The following FRMD4A variants were observed in gnomAD, a reference collection of about 807,000 sequenced individuals.
FRMD4A encodes the protein FERM domain containing 4A.
A neutral mutation model predicts 129.1 loss-of-function variants in FRMD4A; 29 were observed. That is an observed-to-expected ratio of 0.22 (90% CI 0.17 to 0.31). The LOEUF is 0.31. Ranked by LOEUF, FRMD4A falls within the 10% of genes least tolerant of loss-of-function variation. The pLI, the probability that FRMD4A is intolerant of heterozygous loss-of-function variation, is 1.00. For synonymous variants in FRMD4A, 634 were observed against 571.6 expected (o/e 1.11, Z -1.56); for missense variants, 1,272 against 1,375.8 (o/e 0.92, Z 1.19).
intron 2 of FRMD4A, among the ~76,000 whole-genome samples, chr10:14,197,988 C>T (rs1268923642): frequency 2.0e-5 from 3 of 152,142 alleles, no homozygotes; most frequent in African/African-American, 4.8e-5. Context: ...GCTGGGAGTC[C>T]GCAGGACAGA....
chr10:14,161,620 G>A (rs754171689), intron 2 of FRMD4A, among the ~76,000 whole-genome samples: 3 of 152,258 alleles, frequency 2.0e-5, no homozygotes, highest in Admixed American at 6.5e-5. Flanking sequence ...AGTTGATCTC[G>A]TAGAGACAGA....
chr10:13,929,417 G>A (rs923852427), intron 2 of FRMD4A, among the ~76,000 whole-genome samples: 1 of 152,168 alleles, frequency 6.6e-6, no homozygotes, highest in Non-Finnish European at 1.5e-5. Flanking sequence ...CTACGCCCTG[G>A]GTCACCTGCT....
At chr10:13,666,547 G>A (rs1282658675) in intron 17 of FRMD4A, among the ~76,000 whole-genome samples, 3 of 152,106 alleles carry the variant, frequency 2.0e-5, no homozygotes, top group Non-Finnish European at 4.4e-5. Flanking sequence ...GAACGCTGCC[G>A]CCATCGCTGA....
intron 2 of FRMD4A, among the ~76,000 whole-genome samples, chr10:14,140,775 A>G (rs1205244679): frequency 1.3e-5 from 2 of 152,090 alleles, no homozygotes; most frequent in African/African-American, 2.4e-5. Context: ...GTATATATAT[A>G]TATCTCACAC....
chr10:13,986,100 C>T (rs1163629150), intron 2 of FRMD4A, among the ~76,000 whole-genome samples: 1 of 152,166 alleles, frequency 6.6e-6, no homozygotes, highest in African/African-American at 2.4e-5. Context: ...ACATTACAGC[C>T]ACGGCAGCAA....
chr10:14,126,136 C>T lies in FRMD4A; in HGVS notation c.45+203922G>A, dbSNP rs1055009442. Among the ~76,000 whole-genome samples, 8 of 150,112 alleles carry T rather than the reference C, an allele frequency of 5.3e-5. No individual in the cohort carries two copies. The South Asian group carries it at 8.4e-4, about 16-fold the overall frequency. ...TCTAAGATCATCTTCTCTCTTATCC[C>T]TTATGTCCTCACCCATCACAAAACC... On this transcript the variant is annotated intron_variant, in intron 2 of 24. Transcript: ENST00000357447.
chr10:13,919,445 C>G (rs1480656667), intron 2 of FRMD4A, among the ~76,000 whole-genome samples: 1 of 152,070 alleles, frequency 6.6e-6, no homozygotes, highest in Non-Finnish European at 1.5e-5. Flanking sequence ...AATCTTCAAA[C>G]CTTCAGAAAC....
chr10:13,740,109 G>T lies in FRMD4A; in HGVS notation c.672+85C>A, dbSNP rs11595190. 5 of 839,848 alleles carry T rather than the reference G, an allele frequency of 6.0e-6. No homozygotes were observed. The Admixed American group carries it at 9.8e-5, about 17-fold the overall frequency. 52.0% of individuals were successfully genotyped at this position (839,848 alleles called of 1,614,324 possible). A position where few individuals can be genotyped will look rare whatever the true frequency, so the allele number is the denominator to read the frequency against. ...GCAAGACTCTATCTCAAAAGAAAAA[G>T]AAAAAGAAGAAAACATATAACGAGA... On this transcript the variant is annotated intron_variant, in intron 11 of 24. Transcript: ENST00000357447.
intron 2 of FRMD4A, among the ~76,000 whole-genome samples, chr10:14,103,006 A>T (rs993546264): frequency 1.3e-5 from 2 of 152,224 alleles, no homozygotes; most frequent in Non-Finnish European, 2.9e-5. Context: ...TTGAAAACCC[A>T]GCCTATAAGA....
intron 2 of FRMD4A, among the ~76,000 whole-genome samples, chr10:14,094,506 C>T (rs980951707): frequency 6.6e-5 from 10 of 152,160 alleles, no homozygotes; most frequent in Non-Finnish European, 1.2e-4. Flanking sequence ...TCCTTTCAAA[C>T]GCAGAGCAGC....
chr10:14,050,644 G>A (rs889239082), intron 2 of FRMD4A, among the ~76,000 whole-genome samples: 2 of 151,958 alleles, frequency 1.3e-5, no homozygotes, highest in African/African-American at 2.4e-5. Flanking sequence ...TGACCTCCAG[G>A]GAGGGCAGGG....
chr10:13,848,068 G>C (rs1402423996), intron 3 of FRMD4A, among the ~76,000 whole-genome samples: 1 of 151,218 alleles, frequency 6.6e-6, no homozygotes, highest in Non-Finnish European at 1.5e-5. Context: ...GAACTGCATT[G>C]TGAGTTGAGT....
At chr10:13,680,401 C>G (rs926764663) in intron 15 of FRMD4A, among the ~76,000 whole-genome samples, 1 of 151,816 alleles carries the variant, frequency 6.6e-6, no homozygotes, top group Admixed American at 6.6e-5. Flanking sequence ...CAAGTGCAAA[C>G]CTCTTTGAGG....
chr10:14,080,530 G>A (rs955845509), intron 2 of FRMD4A, among the ~76,000 whole-genome samples: 2 of 152,044 alleles, frequency 1.3e-5, no homozygotes, highest in Admixed American at 6.6e-5. Flanking sequence ...GGCCATGTGA[G>A]TGCTCCAGCC....
chr10:14,025,083 C>T (rs946485982), intron 2 of FRMD4A, among the ~76,000 whole-genome samples: 2 of 152,172 alleles, frequency 1.3e-5, no homozygotes, highest in African/African-American at 2.4e-5. Flanking sequence ...AACAAGGAAA[C>T]GAAAGTTGTG....
chr10:13,769,200 A>G (rs1417951524), intron 6 of FRMD4A, among the ~76,000 whole-genome samples: 1 of 132,992 alleles, frequency 7.5e-6, no homozygotes, highest in Non-Finnish European at 1.5e-5. Flanking sequence ...TTGTTTTAAA[A>G]GAGATGGGTT....
chr10:13,767,619 AT>A (rs974912669), intron 6 of FRMD4A, among the ~76,000 whole-genome samples: 3 of 152,012 alleles, frequency 2.0e-5, no homozygotes, highest in East Asian at 1.9e-4. Flanking sequence ...CAAAAATCCC[AT>A]TTTTTTCCTG....
At chr10:13,986,966 A>G (rs2095583968) in intron 2 of FRMD4A, among the ~76,000 whole-genome samples, 1 of 152,064 alleles carries the variant, frequency 6.6e-6, no homozygotes, top group Admixed American at 6.5e-5. Context: ...ACATGTCTGT[A>G]GGGCCTGGGA....
intron 2 of FRMD4A, among the ~76,000 whole-genome samples, chr10:14,186,852 G>A (rs1435510767): frequency 6.6e-6 from 1 of 151,900 alleles, no homozygotes; most frequent in African/African-American, 2.4e-5. Flanking sequence ...CAGTATGGTG[G>A]TTCATGCCTA....
Sources: gnomAD v4.1 joint callset for allele counts (sites outside exome capture counted in the v4.1 genomes callset) on GRCh38, gnomAD v4.1.1 for gene constraint, MANE v1.5 for transcripts, NCBI Gene and HGNC (gene_info 2026-07-23, HGNC 2026-07-21) for gene names.